The following EPHA4 variants were observed in gnomAD, a reference collection of about 807,000 sequenced individuals.
The protein encoded by EPHA4 is EPH receptor A4.
EPHA4 carries 19 observed loss-of-function variants against 108.3 expected under a neutral mutation model. That is an observed-to-expected ratio of 0.18 (90% CI 0.12 to 0.26). The LOEUF is 0.26. Among genes scored for constraint, EPHA4 ranks in the 10% least tolerant of loss-of-function variants. The probability of loss-of-function intolerance (pLI) is 1.00; values close to 1 mark genes in which losing one functional copy is unlikely to be tolerated. For missense variants in EPHA4, 917 were observed against 1,254.0 expected (o/e 0.73, Z 4.06); for synonymous variants, 449 against 455.5 (o/e 0.99, Z 0.18).
At position 221,425,895 on chromosome 2, in the gene EPHA4, C is replaced by T; in HGVS notation, c.*133G>A. ...GCAATCTGTGCACCAAGCAACGCTG[C>T]AGATATTGTTTTTTTTTTTCATTTC... On this transcript the variant is annotated 3_prime_UTR_variant, in exon 17 of 18. Coordinates refer to ENST00000281821, the MANE Select transcript of EPHA4 (RefSeq NM_004438.5). 1.3e-6 allele frequency: 1 copy of T among 774,278 alleles called. No homozygotes were observed. The highest frequency in any genetic ancestry group is 1.7e-5 in the South Asian group (1 of 58,988). 48.0% of individuals were successfully genotyped at this position (774,278 alleles called of 1,614,324 possible).
rs763878361 is a variant in EPHA4 at position 221,520,541 on chromosome 2, CACAGAGAG to C, written c.824-19377_824-19370del. On this transcript the variant is annotated intron_variant, in intron 3 of 17. Coordinates refer to ENST00000281821, the MANE Select transcript of EPHA4 (RefSeq NM_004438.5). ...ACACACACACACACACACACACACA[CACAGAGAG>C]AGAGAGAGAGAGCAAGAGGGGGGAG... Among the ~76,000 whole-genome samples the C allele has an allele frequency of 2.4e-3, 83 of 34,990 alleles. 1 individual carries two copies. The highest frequency in any genetic ancestry group is 0.015 in the South Asian group (26 of 1,774). The allele number at this position is 34,990 out of a possible 152,430, so 23.0% of individuals were successfully genotyped here. A position where few individuals can be genotyped will look rare whatever the true frequency, so the allele number is the denominator to read the frequency against.
At chr2:221,527,575 G>A (rs1394409769) in intron 3 of EPHA4, among the ~76,000 whole-genome samples, 5 of 152,228 alleles carry the variant, frequency 3.3e-5, no homozygotes, top group African/African-American at 7.2e-5. Flanking sequence ...CCCAGCAACC[G>A]GGGAGGTCCA....
At position 221,442,824 on chromosome 2, in the gene EPHA4, C is replaced by T. The variant is rs767965590; in HGVS notation, c.2074+5G>A. ...TTGGCTTTGTAAAGGGGGTGACCCA[C>T]GTACATTTAGTGACCACGCCTTCCA... On this transcript the variant is annotated splice_donor_5th_base_variant and intron_variant, in intron 11 of 17. Coordinates refer to ENST00000281821, the MANE Select transcript of EPHA4 (RefSeq NM_004438.5). The T allele has an allele frequency of 2.5e-6, 4 of 1,613,860 alleles. No homozygotes were observed. The highest frequency in any genetic ancestry group is 1.7e-5 in the Admixed American group (1 of 59,986).
intron 8 of EPHA4, among the ~76,000 whole-genome samples, chr2:221,446,567 A>G (rs555808513): frequency 1.3e-5 from 2 of 152,294 alleles, no homozygotes; most frequent in African/African-American, 4.8e-5. Flanking sequence ...GTATATGTAT[A>G]TATACATTCT....
chr2:221,437,104 A>G lies in EPHA4; in HGVS notation c.2093T>C (p.Ile698Thr). 1 of 1,612,576 alleles carries G rather than the reference A, an allele frequency of 6.2e-7. No homozygotes were observed. Among genetic ancestry groups the G allele is most frequent in the Non-Finnish European group, 8.5e-7 (1 of 1,179,114 alleles). ...VVTKCKPVMI[I>T]TEYMENGSLD... ...GGAGCCATTCTCCATGTACTCTGTT[A>G]TGATCATTACTGGTTTACCTAGAGT... is the stretch of plus-strand genomic sequence containing the variant. The change falls in exon 12 of 18, where the codon ATA becomes ACA. Residue 698 changes from isoleucine to threonine, a missense_variant. This residue lies in a region of EPHA4 where 758 missense variants were observed against 1,076.7 expected (regional missense o/e 0.70). Transcript: ENST00000281821.
At position 221,418,979 on chromosome 2, in the gene EPHA4, C is replaced by G. The variant is rs1470602672; in HGVS notation, c.*2393G>C. ...TGGCATAGAACACAATGCCACACAC[C>G]CTGTCAGAATGTAATAAATATTTAT... On this transcript the variant is annotated 3_prime_UTR_variant, in exon 18 of 18. Coordinates refer to ENST00000281821, the MANE Select transcript of EPHA4 (RefSeq NM_004438.5). The G allele has an allele frequency of 1.3e-5, 2 of 152,550 alleles. No homozygotes were observed. The highest frequency in any genetic ancestry group is 4.1e-4 in the South Asian group (2 of 4,826). The allele number at this position is 152,550 out of a possible 1,614,324, so 9.4% of individuals were successfully genotyped here.
intron 7 of EPHA4, 40 bp from the exon 8 acceptor site, chr2:221,455,698 T>C (rs754042653): frequency 2.0e-6 from 3 of 1,499,656 alleles, no homozygotes; most frequent in East Asian, 4.6e-5. Context: ...TTTGGGAAAG[T>C]CTTAGGAGGT....
At chr2:221,423,761 GAAA>G (rs80333450) in intron 17 of EPHA4, among the ~76,000 whole-genome samples, 5 of 135,104 alleles carry the variant, frequency 3.7e-5, no homozygotes, top group African/African-American at 1.3e-4. Flanking sequence ...TAGACTTTAA[GAAA>G]AAAAAAAAAA....
intron 11 of EPHA4, among the ~76,000 whole-genome samples, chr2:221,440,259 TTACAGCTGTAA>T (rs772483062): frequency 6.6e-6 from 1 of 152,210 alleles, no homozygotes; most frequent in Non-Finnish European, 1.5e-5. Context: ...TTTATAACAG[TTACAGCTGTAA>T]TAGCTACGTG....
chr2:221,533,979 C>T (rs1394838236), intron 3 of EPHA4, among the ~76,000 whole-genome samples: 1 of 152,176 alleles, frequency 6.6e-6, no homozygotes, highest in Non-Finnish European at 1.5e-5. Context: ...CTGCGTGACA[C>T]TCCATGTGCT....
rs138589793 is a variant in EPHA4, at chr2:221,430,116, G to A, written c.2532C>T (p.Pro844=). 6.2e-7 allele frequency: 1 copy of A among 1,611,334 alleles called. No homozygotes were observed. ...GCGCAATGGGGCAGTCCATTGGAGG[G>A]GGTAACCGATAGCCTTCCTCAATGG... ...IKAIEEGYRL[P]PPMDCPIALH... Residue 844 remains proline (P), a synonymous_variant, in exon 15 of 18, where the codon CCC becomes CCT. Coordinates refer to ENST00000281821, the MANE Select transcript of EPHA4 (RefSeq NM_004438.5).
At chr2:221,488,320 G>A (rs902851925) in intron 4 of EPHA4, among the ~76,000 whole-genome samples, 1 of 152,096 alleles carries the variant, frequency 6.6e-6, no homozygotes, top group Non-Finnish European at 1.5e-5. Context: ...TATCTAAAAA[G>A]CTCAGTCCAG....
At position 221,475,764 on chromosome 2, in the gene EPHA4, C is replaced by T. The variant is rs184957434; in HGVS notation, c.1318+6588G>A. On this transcript the variant is annotated intron_variant, in intron 5 of 17. Transcript: ENST00000281821. ...AATTTTATATAATTTCCAAATGTCA[C>T]AAAATATTATTCTGTTTTTTATTAT... Among the ~76,000 whole-genome samples, 100 of 152,256 alleles carry T rather than the reference C, an allele frequency of 6.6e-4. 1 individual carries two copies. Among genetic ancestry groups the T allele is most frequent in the African/African-American group, 2.0e-3 (83 of 41,552 alleles).
chr2:221,433,621 G>A (rs1413016901), intron 14 of EPHA4, among the ~76,000 whole-genome samples: 1 of 152,014 alleles, frequency 6.6e-6, no homozygotes. Flanking sequence ...ACTCCCTTAC[G>A]AAGTAGTCCA....
intron 3 of EPHA4, among the ~76,000 whole-genome samples, chr2:221,560,074 G>T (rs926465868): frequency 2.0e-5 from 3 of 152,120 alleles, no homozygotes; most frequent in Non-Finnish European, 4.4e-5. Flanking sequence ...GGATGATCAG[G>T]GTTAGAGTCA....
chr2:221,531,507 G>T (rs2106183211), intron 3 of EPHA4, among the ~76,000 whole-genome samples: 1 of 152,138 alleles, frequency 6.6e-6, no homozygotes, highest in South Asian at 2.1e-4. Context: ...AAAAATAAAA[G>T]ACAGTTTAAT....
rs1690879061 is a variant in EPHA4, at chr2:221,454,486, A to G, written c.1715+1061T>C. On this transcript the variant is annotated intron_variant, in intron 8 of 17. Coordinates refer to ENST00000281821, the MANE Select transcript of EPHA4 (RefSeq NM_004438.5). ...CTTGGGCAAGAATTACTTCTTTCCT[A>G]GGACTACTTCCCTCTTCTAGAGAAT... 2.6e-5 allele frequency among the ~76,000 whole-genome samples: 4 copies of G among 152,206 alleles called. No individual in the cohort carries two copies. The South Asian group carries it at 8.3e-4, about 31-fold the overall frequency.
At position 221,569,792 on chromosome 2, in the gene EPHA4, C is replaced by A. The variant is rs530824968; in HGVS notation, c.92-1007G>T. 2.8e-3 allele frequency among the ~76,000 whole-genome samples: 432 copies of A among 152,176 alleles called. 4 individuals carry two copies. Among genetic ancestry groups the A allele is most frequent in the Middle Eastern group, 6.8e-3 (2 of 294 alleles). On this transcript the variant is annotated intron_variant, in intron 1 of 17. Coordinates refer to ENST00000281821, the MANE Select transcript of EPHA4 (RefSeq NM_004438.5). ...AGCCGCCATCCGTGCTCATGCGCAC[C>A]CCAACACTCAAGCTTACCCCCAGAC...
At chr2:221,482,253 T>G in intron 5 of EPHA4, 99 bp downstream of exon 5, 1 of 1,213,638 alleles carries the variant, frequency 8.2e-7, no homozygotes, top group Non-Finnish European at 1.1e-6. Flanking sequence ...CAGGCTTGAT[T>G]GATTCTATTT....
Sources: allele counts gnomAD v4.1 joint callset (sites outside exome capture counted in the v4.1 genomes callset), GRCh38; gene constraint gnomAD v4.1.1; regional missense constraint gnomAD v4.1.1; transcripts MANE v1.5; gene names NCBI Gene and HGNC (gene_info 2026-07-23, HGNC 2026-07-21).